KCNH8: variants seen among roughly 807,000 people sequenced by gnomAD.
KCNH8 encodes potassium voltage-gated channel subfamily H member 8.
KCNH8 carries 70 observed loss-of-function variants against 103.6 expected under a neutral mutation model. That is an observed-to-expected ratio of 0.68 (90% CI 0.56 to 0.82). KCNH8 has a LOEUF of 0.82. KCNH8 is among the 40% of genes least tolerant of loss of function. The pLI, the probability that KCNH8 is intolerant of heterozygous loss-of-function variation, is 0.00. For synonymous variants in KCNH8, 498 were observed against 489.4 expected (o/e 1.02, Z -0.23); for missense variants, 1,217 against 1,329.9 (o/e 0.92, Z 1.32).
At chr3:19,317,599 A>G (rs1271981364) in intron 3 of KCNH8, among the ~76,000 whole-genome samples, 77 of 152,070 alleles carry the variant, frequency 5.1e-4, no homozygotes, top group African/African-American at 1.8e-3. Flanking sequence ...AGAAAAATAA[A>G]TTAAATATGA....
At position 19,338,002 on chromosome 3, in the gene KCNH8, G is replaced by T. The variant is rs556989330; in HGVS notation, c.443-4585G>T. ...CACACACGCAGAGAGAGAGAGGCGGGGGGGGGAGAAAGAGGGAGTTATTCT... is the reference window on the plus strand; with the variant it reads ...CACACACGCAGAGAGAGAGAGGCGGTGGGGGGAGAAAGAGGGAGTTATTCT... On this transcript the variant is annotated intron_variant, in intron 3 of 15. Transcript: ENST00000328405. Among the ~76,000 whole-genome samples the T allele has an allele frequency of 7.9e-4, 120 of 151,778 alleles. 3 individuals are homozygous for T. The East Asian group carries it at 0.016, about 21-fold the overall frequency.
intron 1 of KCNH8, among the ~76,000 whole-genome samples, chr3:19,211,055 G>A (rs1286482778): frequency 2.0e-5 from 3 of 152,096 alleles, no homozygotes; most frequent in Non-Finnish European, 4.4e-5. Context: ...AATACATGAT[G>A]TCCCATTGAC....
chr3:19,356,032 A>C (rs1575552228), intron 5 of KCNH8, among the ~76,000 whole-genome samples: 1 of 151,870 alleles, frequency 6.6e-6, no homozygotes. Context: ...GTAGTACAAA[A>C]AGGGTCTAGG....
intron 3 of KCNH8, among the ~76,000 whole-genome samples, chr3:19,331,852 T>C (rs1056680081): frequency 1.3e-5 from 2 of 152,154 alleles, no homozygotes; most frequent in Non-Finnish European, 2.9e-5. Context: ...TCTATCTAAC[T>C]ATATTTGTGT....
At chr3:19,259,595 A>G (rs1221046124) in intron 2 of KCNH8, among the ~76,000 whole-genome samples, 1 of 151,852 alleles carries the variant, frequency 6.6e-6, no homozygotes, top group East Asian at 1.9e-4. Flanking sequence ...TATTTTATTT[A>G]CAGATTGATG....
chr3:19,499,056 A>C (rs1023351810), intron 11 of KCNH8, among the ~76,000 whole-genome samples: 1 of 152,170 alleles, frequency 6.6e-6, no homozygotes, highest in South Asian at 2.1e-4. Flanking sequence ...AATTTAGAAG[A>C]ATGTATAACT....
chr3:19,372,599 T>G (rs905434001), intron 5 of KCNH8, among the ~76,000 whole-genome samples: 27 of 152,182 alleles, frequency 1.8e-4, no homozygotes, highest in Admixed American at 7.9e-4. Flanking sequence ...TGAATACCGT[T>G]TATTTCCTTC....
chr3:19,393,454 A>G (rs1169783020), intron 6 of KCNH8, among the ~76,000 whole-genome samples: 1 of 152,076 alleles, frequency 6.6e-6, no homozygotes, highest in African/African-American at 2.4e-5. Flanking sequence ...TTCTTTGCTC[A>G]AACATCCCCT....
At chr3:19,360,327 T>A (rs746014327) in intron 5 of KCNH8, among the ~76,000 whole-genome samples, 2 of 152,042 alleles carry the variant, frequency 1.3e-5, no homozygotes, top group Non-Finnish European at 2.9e-5. Flanking sequence ...GATGGGTGGA[T>A]GTATATAATG....
At chr3:19,191,181 A>T (rs1183585847) in intron 1 of KCNH8, among the ~76,000 whole-genome samples, 2 of 151,812 alleles carry the variant, frequency 1.3e-5, no homozygotes, top group African/African-American at 4.8e-5. Flanking sequence ...TACTTCCACA[A>T]GATAGAGCCC....
intron 2 of KCNH8, among the ~76,000 whole-genome samples, chr3:19,261,789 G>A (rs9869011): frequency 0.99 from 150,985 of 151,796 alleles, 75,092 homozygotes; most frequent in East Asian, 1. Flanking sequence ...TGTGTATGGT[G>A]TATGATATGG....
intron 1 of KCNH8, among the ~76,000 whole-genome samples, chr3:19,234,214 T>G (rs1002756330): frequency 3.3e-5 from 5 of 152,206 alleles, no homozygotes; most frequent in Non-Finnish European, 7.3e-5. Context: ...GGAGCCCAGC[T>G]GGCTTCACTT....
intron 3 of KCNH8, among the ~76,000 whole-genome samples, chr3:19,302,962 C>A (rs1019056123): frequency 5.3e-5 from 8 of 152,188 alleles, no homozygotes; most frequent in Admixed American, 2.0e-4. Flanking sequence ...ATACTGTCCA[C>A]TTTATGGTTT....
chr3:19,286,732 G>A (rs1575496436), intron 3 of KCNH8, among the ~76,000 whole-genome samples: 1 of 152,094 alleles, frequency 6.6e-6, no homozygotes, highest in African/African-American at 2.4e-5. Flanking sequence ...AATGATTTTT[G>A]TGTTGTATTG....
chr3:19,260,487 G>GATATATATAT lies in KCNH8; in HGVS notation c.310+6638_310+6647dup, dbSNP rs57661437. The stretch of plus-strand genomic sequence containing the variant: ...ATTTAATATATGTATTACTCTATAG[G>GATATATATAT]ATATATATATATATATATATATATA... On this transcript the variant is annotated intron_variant, in intron 2 of 15. Transcript: ENST00000328405. Among the ~76,000 whole-genome samples the GATATATATAT allele has an allele frequency of 1.0e-3, 41 of 40,026 alleles. 1 individual carries two copies. Among genetic ancestry groups the GATATATATAT allele is most frequent in the East Asian group, 2.4e-3 (3 of 1,242 alleles). 26.3% of individuals were successfully genotyped at this position (40,026 alleles called of 152,430 possible). A position where few individuals can be genotyped will look rare whatever the true frequency, so the allele number is the denominator to read the frequency against.
chr3:19,245,977 A>C (rs1203953768), intron 1 of KCNH8, among the ~76,000 whole-genome samples: 1 of 152,152 alleles, frequency 6.6e-6, no homozygotes, highest in Non-Finnish European at 1.5e-5. Context: ...TTGAACTCTA[A>C]GGGACAATAA....
intron 1 of KCNH8, among the ~76,000 whole-genome samples, chr3:19,193,413 T>C (rs2063571691): frequency 6.6e-6 from 1 of 151,668 alleles, no homozygotes; most frequent in South Asian, 2.1e-4. Flanking sequence ...TTCATTTTGT[T>C]CATTTATGTT....
At chr3:19,353,824 A>T (rs558966165) in intron 5 of KCNH8, among the ~76,000 whole-genome samples, 20 of 152,306 alleles carry the variant, frequency 1.3e-4, no homozygotes, top group Admixed American at 9.2e-4. Flanking sequence ...AAACTAGCAC[A>T]AGACAAGGAT....
chr3:19,438,047 T>C (rs377535817), intron 7 of KCNH8, 117 bp from the exon 8 acceptor site: 27 of 789,448 alleles, frequency 3.4e-5, no homozygotes, highest in East Asian at 3.2e-4. Context: ...CTTTTTACCT[T>C]CTTCTTCCTC....
Sources: allele counts gnomAD v4.1 joint callset (sites outside exome capture counted in the v4.1 genomes callset), GRCh38; gene constraint gnomAD v4.1.1; transcripts MANE v1.5; gene names NCBI Gene and HGNC (gene_info 2026-07-23, HGNC 2026-07-21).